Variants in RAD51B observed in about 807,000 individuals in gnomAD.
RAD51B encodes the protein DNA repair protein RAD51 homolog 2.
A neutral mutation model predicts 42.2 loss-of-function variants in RAD51B; 38 were observed. That is an observed-to-expected ratio of 0.90 (90% CI 0.70 to 1.18). The LOEUF (loss-of-function observed/expected upper bound fraction) is 1.18. Ranked by LOEUF, RAD51B falls within the 50% of genes most tolerant of loss-of-function variation. RAD51B has a pLI of 0.00. For synonymous variants in RAD51B, 154 were observed against 145.2 expected (o/e 1.06, Z -0.43); for missense variants, 373 against 400.7 (o/e 0.93, Z 0.59).
chr14:68,612,037 T>C (rs1037859344), downstream of RAD51B, among the ~76,000 whole-genome samples: 2 of 152,234 alleles, frequency 1.3e-5, no homozygotes, highest in East Asian at 1.9e-4. Context: ...ATAGATTGCA[T>C]TGATTGCTGC....
intron 4 of RAD51B, among the ~76,000 whole-genome samples, chr14:67,844,627 T>A (rs1054452791): frequency 7.2e-4 from 107 of 148,640 alleles, no homozygotes; most frequent in African/African-American, 2.5e-3. Context: ...TATATATATT[T>A]TTTTTATTAT....
chr14:68,464,758 C>T (rs760760711), intron 9 of RAD51B, among the ~76,000 whole-genome samples: 13 of 151,254 alleles, frequency 8.6e-5, no homozygotes, highest in Admixed American at 5.9e-4. Context: ...TGATCTATCA[C>T]TCTGGAAGTT....
intron 4 of RAD51B, among the ~76,000 whole-genome samples, chr14:67,861,274 G>A (rs921180459): frequency 1.3e-5 from 2 of 152,050 alleles, no homozygotes; most frequent in Non-Finnish European, 2.9e-5. Flanking sequence ...AAGTGACCAT[G>A]AGAATCATTT....
At chr14:68,492,807 A>G (rs919365919) in intron 10 of RAD51B, among the ~76,000 whole-genome samples, 1 of 152,176 alleles carries the variant, frequency 6.6e-6, no homozygotes, top group African/African-American at 2.4e-5. Flanking sequence ...CCTCATACCA[A>G]GCCTGGCATG....
At chr14:68,495,898 C>G (rs1398341894) in intron 10 of RAD51B, among the ~76,000 whole-genome samples, 2 of 152,228 alleles carry the variant, frequency 1.3e-5, no homozygotes, top group Non-Finnish European at 2.9e-5. Context: ...AGATGCTGCC[C>G]TAACACGCAA....
intron 10 of RAD51B, among the ~76,000 whole-genome samples, chr14:68,590,111 G>A (rs972808311): frequency 6.6e-6 from 1 of 152,158 alleles, no homozygotes; most frequent in Non-Finnish European, 1.5e-5. Context: ...CTGAGCAGCC[G>A]ACTGGGGTGT....
intron 7 of RAD51B, among the ~76,000 whole-genome samples, chr14:68,169,639 C>A (rs1186255655): frequency 6.6e-6 from 1 of 150,940 alleles, no homozygotes; most frequent in African/African-American, 2.4e-5. Flanking sequence ...GTTGCTGAGT[C>A]CTGCTGGCTC....
At chr14:68,584,601 A>C (rs999720803) in intron 10 of RAD51B, among the ~76,000 whole-genome samples, 1 of 152,110 alleles carries the variant, frequency 6.6e-6, no homozygotes, top group Non-Finnish European at 1.5e-5. Flanking sequence ...ACATCTGCTC[A>C]TCTGCACCTA....
intron 7 of RAD51B, among the ~76,000 whole-genome samples, chr14:68,276,751 C>T (rs2081233520): frequency 6.6e-6 from 1 of 152,152 alleles, no homozygotes; most frequent in African/African-American, 2.4e-5. Flanking sequence ...GGGGCCTTCC[C>T]TCAAAAATAC....
chr14:68,511,475 C>T (rs566972718), intron 10 of RAD51B, among the ~76,000 whole-genome samples: 3 of 152,352 alleles, frequency 2.0e-5, no homozygotes, highest in East Asian at 3.9e-4. Flanking sequence ...CCCGTATTAT[C>T]TGATAAGTGG....
At position 68,017,172 on chromosome 14, in the gene RAD51B, C is replaced by G. The variant is rs867280582; in HGVS notation, c.756+129968C>G. On this transcript the variant is annotated intron_variant, in intron 7 of 10. Transcript: ENST00000471583. ...ATAGCTCTAGTTTTTTGTTGAATTACAAGGCATTATCAAAATAAATCTTTT... is the reference window on the plus strand; with the variant it reads ...ATAGCTCTAGTTTTTTGTTGAATTAGAAGGCATTATCAAAATAAATCTTTT... Among the ~76,000 whole-genome samples the G allele has an allele frequency of 3.9e-5, 6 of 151,904 alleles. No individual in the cohort carries two copies. The East Asian group carries it at 1.2e-3, about 29-fold the overall frequency.
chr14:68,056,201 C>G (rs139059871), intron 7 of RAD51B, among the ~76,000 whole-genome samples: 1 of 152,088 alleles, frequency 6.6e-6, no homozygotes, highest in Admixed American at 6.5e-5. Flanking sequence ...CTTTGTCACC[C>G]AGGTTGGAGT....
intron 7 of RAD51B, among the ~76,000 whole-genome samples, chr14:68,192,119 T>C (rs2140907334): frequency 6.6e-6 from 1 of 152,318 alleles, no homozygotes; most frequent in South Asian, 2.1e-4. Flanking sequence ...TCAGGTCACC[T>C]ACAGGCCAGA....
rs1013127096 is a variant in RAD51B, at chr14:68,595,511, A to G, written c.*908A>G. On this transcript the variant is annotated 3_prime_UTR_variant, in exon 11 of 11. Transcript: ENST00000487270. ...AGATTAAATTTGTCCTTGTGTTTGG[A>G]GCAAGGGTTGTGAAGTCTGTCTGGC... 4.7e-6 allele frequency: 5 copies of G among 1,066,554 alleles called. No individual in the cohort carries two copies. The African/African-American group carries it at 6.5e-5, about 14-fold the overall frequency. 66.1% of individuals were successfully genotyped at this position (1,066,554 alleles called of 1,614,324 possible).
chr14:68,205,139 G>T (rs1264897489), intron 7 of RAD51B, among the ~76,000 whole-genome samples: 3 of 152,092 alleles, frequency 2.0e-5, no homozygotes, highest in African/African-American at 7.2e-5. Flanking sequence ...ACCATAAAAT[G>T]TATTAATTCA....
chr14:68,280,851 T>G (rs1399962291), intron 7 of RAD51B, among the ~76,000 whole-genome samples: 1 of 152,010 alleles, frequency 6.6e-6, no homozygotes, highest in Admixed American at 6.6e-5. Flanking sequence ...CCTTGGAGTT[T>G]GAGACCAGCC....
chr14:68,221,355 G>A (rs2079922590), intron 7 of RAD51B, among the ~76,000 whole-genome samples: 1 of 152,052 alleles, frequency 6.6e-6, no homozygotes, highest in Non-Finnish European at 1.5e-5. Flanking sequence ...ATAGACCAAT[G>A]AAACAGAATA....
intron 9 of RAD51B, among the ~76,000 whole-genome samples, chr14:68,439,505 A>T (rs994919640): frequency 4.7e-5 from 2 of 42,692 alleles, no homozygotes; most frequent in African/African-American, 2.8e-4. Context: ...ACCTTGACAG[A>T]TACAGGTCTA....
chr14:68,158,757 C>T (rs1019602786), intron 7 of RAD51B, among the ~76,000 whole-genome samples: 31 of 152,160 alleles, frequency 2.0e-4, no homozygotes, highest in African/African-American at 7.5e-4. Flanking sequence ...GTCGATTCTT[C>T]ATTTGATCCG....
Sources: gnomAD v4.1 joint callset for allele counts (sites outside exome capture counted in the v4.1 genomes callset) on GRCh38, gnomAD v4.1.1 for gene constraint, MANE v1.5 for transcripts, NCBI Gene and HGNC (gene_info 2026-07-23, HGNC 2026-07-21) for gene names.